The following ADGRB3 variants were observed in gnomAD, a reference collection of about 807,000 sequenced individuals.
The protein encoded by ADGRB3 is adhesion G protein-coupled receptor B3.
Under a neutral mutation model 193.4 loss-of-function variants are expected in ADGRB3, and 37 were observed. That is an observed-to-expected ratio of 0.19 (90% CI 0.15 to 0.25). The LOEUF is 0.25. Ranked by LOEUF, ADGRB3 falls within the 10% of genes least tolerant of loss-of-function variation. The pLI is 1.00. For missense variants in ADGRB3, 1,637 were observed against 1,852.9 expected (o/e 0.88, Z 2.14); for synonymous variants, 690 against 644.2 (o/e 1.07, Z -1.08).
intron 3 of ADGRB3, among the ~76,000 whole-genome samples, chr6:68,654,849 T>C (rs2127283045): frequency 6.6e-6 from 1 of 151,988 alleles, no homozygotes; most frequent in Admixed American, 6.6e-5. Flanking sequence ...AAAATTCACA[T>C]GAAGTCTTTG....
intron 3 of ADGRB3, among the ~76,000 whole-genome samples, chr6:68,863,874 G>A (rs1562061808): frequency 1.3e-5 from 2 of 151,928 alleles, no homozygotes; most frequent in African/African-American, 2.4e-5. Flanking sequence ...TAATATCCCG[G>A]GGATATTTGT....
intron 3 of ADGRB3, among the ~76,000 whole-genome samples, chr6:68,818,654 A>G (rs1767683864): frequency 6.6e-6 from 1 of 152,108 alleles, no homozygotes; most frequent in Non-Finnish European, 1.5e-5. Context: ...TCCCACAAAA[A>G]TGTGGTTTTA....
chr6:69,300,271 C>A (rs189519959), intron 20 of ADGRB3, among the ~76,000 whole-genome samples: 19 of 151,730 alleles, frequency 1.3e-4, no homozygotes, highest in South Asian at 6.2e-4. Context: ...TTAAACATTC[C>A]GTAATGATAA....
intron 3 of ADGRB3, among the ~76,000 whole-genome samples, chr6:68,768,900 A>C (rs1371068411): frequency 6.6e-6 from 1 of 152,236 alleles, no homozygotes; most frequent in East Asian, 1.9e-4. Flanking sequence ...CACTTCTCAA[A>C]AGAAGACATT....
chr6:69,333,931 AAAAACAAAAT>A (rs1561990613), intron 24 of ADGRB3, among the ~76,000 whole-genome samples: 1 of 132,966 alleles, frequency 7.5e-6, no homozygotes, highest in Non-Finnish European at 1.6e-5. Flanking sequence ...CTCTGTCTCA[AAAAACAAAAT>A]AAAATAAAAT....
At chr6:69,254,462 A>G (rs1766704862) in intron 20 of ADGRB3, among the ~76,000 whole-genome samples, 3 of 152,152 alleles carry the variant, frequency 2.0e-5, no homozygotes, top group Admixed American at 2.0e-4. Flanking sequence ...TTACTCTTAG[A>G]GAACTTTTTC....
chr6:68,942,350 G>T (rs1287409364), intron 5 of ADGRB3, among the ~76,000 whole-genome samples: 1 of 152,064 alleles, frequency 6.6e-6, no homozygotes, highest in Admixed American at 6.6e-5. Context: ...ACTTTTTGGG[G>T]AGTCATTTTC....
intron 17 of ADGRB3, among the ~76,000 whole-genome samples, chr6:69,218,267 A>C (rs1269350181): frequency 6.6e-6 from 1 of 152,156 alleles, no homozygotes; most frequent in Non-Finnish European, 1.5e-5. Flanking sequence ...CACATTTTAA[A>C]TAACAGTCCA....
chr6:68,944,420 C>A (rs557651542), intron 6 of ADGRB3, among the ~76,000 whole-genome samples: 61 of 152,150 alleles, frequency 4.0e-4, no homozygotes, highest in Non-Finnish European at 7.9e-4. Flanking sequence ...GTACCACTGA[C>A]CATGTGCTAG....
At chr6:68,925,252 C>A (rs1171097850) in intron 3 of ADGRB3, among the ~76,000 whole-genome samples, 1 of 151,854 alleles carries the variant, frequency 6.6e-6, no homozygotes, top group East Asian at 1.9e-4. Flanking sequence ...TAGAAAGATA[C>A]CAAAATCCTG....
At chr6:68,839,026 C>T (rs1768097796) in intron 3 of ADGRB3, among the ~76,000 whole-genome samples, 1 of 151,324 alleles carries the variant, frequency 6.6e-6, no homozygotes, top group Non-Finnish European at 1.5e-5. Context: ...ACACATTTGC[C>T]CTCTCTCTAT....
In ADGRB3 at chr6:69,239,054, T is replaced by A. The variant is rs1582569149; in HGVS notation, c.2712-70T>A. On this transcript the variant is annotated intron_variant, in intron 19 of 31. Transcript: ENST00000370598. ...ATTTTTCCAGATGAATGCCATCAGT[T>A]TGCACAATATATAATTCTTCATCTT... The A allele has an allele frequency of 8.7e-6, 7 of 800,530 alleles. No homozygotes were observed. In the East Asian group the frequency reaches 1.9e-4, roughly 21 times the overall value. 49.6% of individuals were successfully genotyped at this position (800,530 alleles called of 1,614,324 possible).
chr6:68,717,009 C>T (rs556299288), intron 3 of ADGRB3, among the ~76,000 whole-genome samples: 6 of 151,772 alleles, frequency 4.0e-5, no homozygotes, highest in African/African-American at 1.2e-4. Flanking sequence ...TCATTTCTCA[C>T]GTAGGAGCTT....
At chr6:69,228,276 A>G (rs56044688) in intron 17 of ADGRB3, among the ~76,000 whole-genome samples, 21,545 of 152,174 alleles carry the variant, frequency 0.14, 1,589 homozygotes, top group Middle Eastern at 0.16. Flanking sequence ...AGAAAAAATC[A>G]TTACATGAGC....
chr6:69,345,936 T>TCA (rs1427587355), intron 26 of ADGRB3, among the ~76,000 whole-genome samples: 1 of 152,064 alleles, frequency 6.6e-6, no homozygotes, highest in East Asian at 1.9e-4. Context: ...TGTGCAAAAA[T>TCA]CACAAGCATT....
At chr6:68,708,458 C>G (rs908830777) in intron 3 of ADGRB3, among the ~76,000 whole-genome samples, 74 of 152,118 alleles carry the variant, frequency 4.9e-4, no homozygotes, top group Non-Finnish European at 2.2e-4. Flanking sequence ...CATTTCTATT[C>G]CCTGTCCTCG....
chr6:68,945,233 A>G (rs889426830), intron 6 of ADGRB3, among the ~76,000 whole-genome samples: 2 of 152,152 alleles, frequency 1.3e-5, no homozygotes, highest in Non-Finnish European at 2.9e-5. Flanking sequence ...AATTATAATT[A>G]CATTATTTTA....
At chr6:69,239,785 G>A (rs1177774646) in intron 20 of ADGRB3, among the ~76,000 whole-genome samples, 1 of 151,994 alleles carries the variant, frequency 6.6e-6, no homozygotes. Flanking sequence ...GAATGGAAAA[G>A]TGTATTTTCT....
At chr6:69,196,658 A>G (rs1765303221) in intron 17 of ADGRB3, among the ~76,000 whole-genome samples, 1 of 152,122 alleles carries the variant, frequency 6.6e-6, no homozygotes, top group African/African-American at 2.4e-5. Context: ...CTCTATTAAA[A>G]ATCTTATCTC....
Sources: allele counts gnomAD v4.1 joint callset (sites outside exome capture counted in the v4.1 genomes callset), GRCh38; gene constraint gnomAD v4.1.1; transcripts MANE v1.5; gene names NCBI Gene and HGNC (gene_info 2026-07-23, HGNC 2026-07-21).